LETM1: variants seen among roughly 807,000 people sequenced by gnomAD.
LETM1 encodes leucine zipper and EF-hand containing transmembrane protein 1, also known as mitochondrial proton/calcium exchanger protein.
In LETM1, 50 loss-of-function variants were observed where a neutral mutation model predicts 74.5. The ratio of observed to expected loss-of-function variants is 0.67; its 90% CI spans 0.53 to 0.85. The LOEUF is 0.85. Among genes scored for constraint, LETM1 ranks in the 40% least tolerant of loss-of-function variants. LETM1 has a pLI of 0.00. For missense variants in LETM1, 824 were observed against 967.8 expected, an observed-to-expected ratio of 0.85 and a Z score of 1.97; for synonymous variants, 446 against 407.1, an observed-to-expected ratio of 1.10 and a Z score of -1.15.
intron 8 of LETM1, 126 bp downstream of exon 8, chr4:1,823,518 G>C: frequency 1.7e-6 from 2 of 1,184,920 alleles, no homozygotes; most frequent in Non-Finnish European, 2.4e-6. Flanking sequence ...GCACTCGCGA[G>C]GGGGTGGGAG....
chr4:1,828,823 C>G (rs1440146280), intron 6 of LETM1, among the ~76,000 whole-genome samples: 8 of 133,796 alleles, frequency 6.0e-5, no homozygotes, highest in Non-Finnish European at 3.3e-5. Flanking sequence ...TGACCCCCCC[C>G]ACCTCCCTCC....
Position 1,812,246 on chromosome 4 carries a change from T to C in LETM1, c.*2178A>G, listed in dbSNP as rs1256259291. 7.1e-6 allele frequency: 1 copy of C among 140,020 alleles called. No individual in the cohort carries two copies. Among genetic ancestry groups the C allele is most frequent in the East Asian group, 2.1e-4 (1 of 4,814 alleles). 8.7% of individuals were successfully genotyped at this position (140,020 alleles called of 1,614,324 possible). ...TGGGCATGGTGGCGCATGCCTGTAA[T>C]CCCAATTACTCAGGAGGCTGAGGCA... On this transcript the variant is annotated 3_prime_UTR_variant, in exon 14 of 14. Transcript: ENST00000302787.
At position 1,825,576 on chromosome 4, in the gene LETM1, A is replaced by C; in HGVS notation, c.1188T>G (p.Gly396=). 6.2e-7 allele frequency: 1 copy of C among 1,612,222 alleles called. No homozygotes were observed. Among genetic ancestry groups the C allele is most frequent in the East Asian group, 2.2e-5 (1 of 44,816 alleles). ...ALGVTEDRLR[G]QLKQWLDLHL... ...AATATTCACGCACCTGCTTCAGCTGACCCCTCAGGCGGTCTTCCGTGACGC... is the reference window on the plus strand; with the variant it reads ...AATATTCACGCACCTGCTTCAGCTGCCCCCTCAGGCGGTCTTCCGTGACGC... The change falls in exon 7 of 14, where the codon GGT becomes GGG. Residue 396 remains glycine, a synonymous_variant. Coordinates refer to ENST00000302787, the MANE Select transcript of LETM1 (RefSeq NM_012318.3).
At chr4:1,833,239 T>C (rs1167631834) in intron 5 of LETM1, 1 of 398,044 alleles carries the variant, frequency 2.5e-6, no homozygotes, top group African/African-American at 2.0e-5. Context: ...CCCAGCTAAT[T>C]TTTGTATTTT....
Position 1,841,702 on chromosome 4 carries a change from A to C in LETM1, c.239T>G (p.Leu80Arg). ...LGCWALRPEC[L>R]RIVSRAPWTS... ...CCATGGCGCTCTCGACACTATGCGAAGGCACTCGGGCCTCAGAGCCCAACA... is the reference window on the plus strand; with the variant it reads ...CCATGGCGCTCTCGACACTATGCGACGGCACTCGGGCCTCAGAGCCCAACA... The change falls in exon 3 of 14, where the codon CTT (leucine) becomes CGT (arginine). Residue 80 changes from leucine to arginine, a missense_variant. Coordinates refer to ENST00000302787, the MANE Select transcript of LETM1 (RefSeq NM_012318.3). 1 of 1,614,188 alleles carries C rather than the reference A, an allele frequency of 6.2e-7. No homozygotes were observed. The highest frequency in any genetic ancestry group is 1.1e-5 in the South Asian group (1 of 91,086).
rs575762036 is a variant in LETM1 at position 1,836,023 on chromosome 4, C to T, written c.738+406G>A. Among the ~76,000 whole-genome samples, 6 of 152,152 alleles carry T rather than the reference C, an allele frequency of 3.9e-5. No individual in the cohort carries two copies. The highest frequency in any genetic ancestry group is 1.9e-4 in the East Asian group (1 of 5,168). On this transcript the variant is annotated intron_variant, in intron 4 of 13. Coordinates refer to ENST00000302787, the MANE Select transcript of LETM1 (RefSeq NM_012318.3). The surrounding 1 kb of genome is among the most constrained non-coding windows in gnomAD (Gnocchi z 5.8). ...CCAGGAACTTGAGGCTGCAGTGAGC[C>T]GTGATCGCACCACTGCACTCCAGCC...
chr4:1,841,047 G>C (rs1712671329), intron 3 of LETM1, among the ~76,000 whole-genome samples: 1 of 152,206 alleles, frequency 6.6e-6, no homozygotes. Context: ...GCAATCTATA[G>C]AGTGAAAAGA....
Position 1,815,649 on chromosome 4 carries a change from C to T in LETM1, c.2070+15G>A, listed in dbSNP as rs749964075. The T allele has an allele frequency of 6.2e-7, 1 of 1,613,634 alleles. No individual in the cohort carries two copies. Among genetic ancestry groups the T allele is most frequent in the Non-Finnish European group, 8.5e-7 (1 of 1,179,780 alleles). On this transcript the variant is annotated intron_variant, in intron 13 of 13. Coordinates refer to ENST00000302787, the MANE Select transcript of LETM1 (RefSeq NM_012318.3). ...CAGGTGGCGGATGGCCTGCGTGGTCCCCAGCGAGGCCCACCTTGACGAGGT... is the reference window on the plus strand; with the variant it reads ...CAGGTGGCGGATGGCCTGCGTGGTCTCCAGCGAGGCCCACCTTGACGAGGT...
In LETM1 at chr4:1,841,738, T is replaced by C. The variant is rs780279688; in HGVS notation, c.203A>G (p.Asp68Gly). The C allele has an allele frequency of 2.5e-6, 4 of 1,614,096 alleles. No individual in the cohort carries two copies. In the South Asian group the frequency reaches 4.4e-5, roughly 18 times the overall value. ...IHPVYTSSRG[D>G]HLGCWALRPE... ...CCTCAGAGCCCAACAGCCGAGGTGA[T>C]CGCCTCTGGAGGATGTGTACACAGG... Residue 68 changes from aspartate (D) to glycine (G), a missense_variant, in exon 3 of 14, where the codon GAT becomes GGT. Transcript: ENST00000302787.
chr4:1,832,958 G>C lies in LETM1; in HGVS notation c.877-11C>G. 1.2e-6 allele frequency: 2 copies of C among 1,611,610 alleles called. No individual in the cohort carries two copies. The highest frequency in any genetic ancestry group is 1.3e-5 in the African/African-American group (1 of 74,962). ...CCCTGTTTCCCGGATCTGCGGAAGTGGTCACAAGGGTCATCCCCGGGACAC... is the reference window on the plus strand; with the variant it reads ...CCCTGTTTCCCGGATCTGCGGAAGTCGTCACAAGGGTCATCCCCGGGACAC... On this transcript the variant is annotated splice_polypyrimidine_tract_variant and intron_variant, in intron 5 of 13. Coordinates refer to ENST00000302787, the MANE Select transcript of LETM1 (RefSeq NM_012318.3).
chr4:1,814,616 A>AC (rs1722556226), intron 13 of LETM1, 43 bp from the exon 14 acceptor site: 1 of 1,563,836 alleles, frequency 6.4e-7, no homozygotes, highest in Non-Finnish European at 8.8e-7. Flanking sequence ...GCTGCGCCCT[A>AC]CAGCACAGTG....
chr4:1,853,107 G>A (rs1203855739), intron 1 of LETM1, among the ~76,000 whole-genome samples: 4 of 151,970 alleles, frequency 2.6e-5, no homozygotes, highest in East Asian at 1.9e-4. Context: ...CTCAACTAGC[G>A]CCCCTCCTCA....
chr4:1,840,389 T>C (rs923901603), intron 3 of LETM1, among the ~76,000 whole-genome samples: 5 of 150,500 alleles, frequency 3.3e-5, no homozygotes, highest in African/African-American at 9.8e-5. Context: ...AAAATAAGGT[T>C]GGGCGCGGTG....
At chr4:1,849,250 G>A (rs1165456028) in intron 1 of LETM1, 41 bp from the exon 2 acceptor site, 2 of 1,418,262 alleles carry the variant, frequency 1.4e-6, no homozygotes, top group Non-Finnish European at 1.0e-6. Context: ...TAGTAAATCA[G>A]GGATTTATAC....
Position 1,836,246 on chromosome 4 carries a change from C to T in LETM1, c.738+183G>A, listed in dbSNP as rs181725880. On this transcript the variant is annotated intron_variant, in intron 4 of 13. Coordinates refer to ENST00000302787, the MANE Select transcript of LETM1 (RefSeq NM_012318.3). The surrounding 1 kb of genome is among the most constrained non-coding windows in gnomAD (Gnocchi z 5.8). ...AATAAATAAATAAATAAATAAATAACGAAATAAAGAGAAACAAATCCAAAA... is the reference window on the plus strand; with the variant it reads ...AATAAATAAATAAATAAATAAATAATGAAATAAAGAGAAACAAATCCAAAA... Among the ~76,000 whole-genome samples the T allele has an allele frequency of 3.3e-5, 5 of 152,014 alleles. No individual in the cohort carries two copies. Among genetic ancestry groups the T allele is most frequent in the Admixed American group, 6.5e-5 (1 of 15,278 alleles).
At chr4:1,821,524 A>G (rs1189271842) in intron 10 of LETM1, among the ~76,000 whole-genome samples, 1 of 151,910 alleles carries the variant, frequency 6.6e-6, no homozygotes, top group African/African-American at 2.4e-5. Flanking sequence ...CCCCCTGTCT[A>G]CTAAAAATAC....
At chr4:1,818,731 T>C (rs985655835) in intron 11 of LETM1, among the ~76,000 whole-genome samples, 5 of 152,140 alleles carry the variant, frequency 3.3e-5, no homozygotes, top group East Asian at 1.9e-4. Context: ...CACGTAATCA[T>C]GAATAAGATC....
At position 1,849,134 on chromosome 4, in the gene LETM1, T is replaced by TA. The variant is rs1712983165; in HGVS notation, c.143+14dup. 2 of 1,594,036 alleles carry TA rather than the reference T, an allele frequency of 1.3e-6. No homozygotes were observed. Among genetic ancestry groups the TA allele is most frequent in the Non-Finnish European group, 1.7e-6 (2 of 1,161,688 alleles). ...TTTCAAACAGACAGGTGCAGAGTGA[T>TA]ACTGATTTACTCACAGGCAGTTCCT... On this transcript the variant is annotated intron_variant, in intron 2 of 13. Transcript: ENST00000302787.
At position 1,836,521 on chromosome 4, in the gene LETM1, C is replaced by A; in HGVS notation, c.646G>T (p.Val216Leu). 1 of 1,613,912 alleles carries A rather than the reference C, an allele frequency of 6.2e-7. No homozygotes were observed. Among genetic ancestry groups the A allele is most frequent in the Non-Finnish European group, 8.5e-7 (1 of 1,179,996 alleles). The change falls in exon 4 of 14, where the codon GTG becomes TTG. Residue 216 changes from valine (V) to leucine (L), a missense_variant. Transcript: ENST00000302787. This position sits in a 1 kb window ranked among gnomAD's most constrained non-coding sequence, Gnocchi z 5.8. The stretch of plus-strand genomic sequence containing the variant: ...AGAAACTCCATGAACGGCACCACCA[C>A]GAACACAAGGAACGGCACCAGGCGG... ...LFRLVPFLVF[V>L]VVPFMEFLLP...
Sources: allele counts gnomAD v4.1 joint callset (sites outside exome capture counted in the v4.1 genomes callset), GRCh38; gene constraint gnomAD v4.1.1; non-coding constraint Gnocchi (gnomAD v3.1); transcripts MANE v1.5; gene names NCBI Gene and HGNC (gene_info 2026-07-23, HGNC 2026-07-21).